The following SPOP variants were observed in gnomAD, a reference collection of about 807,000 sequenced individuals.
SPOP encodes speckle-type POZ protein.
A neutral mutation model predicts 45.6 loss-of-function variants in SPOP; 11 were observed. The ratio of observed to expected loss-of-function variants is 0.24; its 90% confidence interval spans 0.15 to 0.40. The LOEUF is 0.40. Among genes scored for constraint, SPOP ranks in the 10% least tolerant of loss-of-function variants. The pLI is 1.00. For missense variants in SPOP, 152 were observed against 465.6 expected, an observed-to-expected ratio of 0.33 and a Z score of 6.20; for synonymous variants, 166 against 166.3, an observed-to-expected ratio of 1.00 and a Z score of 0.01.
At chr17:49,601,339 C>T (rs147492833) in intron 9 of SPOP, 2 of 152,086 alleles carry the variant, frequency 1.3e-5, no homozygotes, top group Admixed American at 1.3e-4. Context: ...CTTATTATTT[C>T]ATATTATTAT....
Position 49,621,993 on chromosome 17 carries a change from G to T in SPOP, c.153C>A (p.Val51=). 1 of 1,613,930 alleles carries T rather than the reference G, an allele frequency of 6.2e-7. No individual in the cohort carries two copies. Among genetic ancestry groups the T allele is most frequent in the South Asian group, 1.1e-5 (1 of 91,058 alleles). ...CTGATGAAAATGTAGAACTTTTAAT[G>T]ACTTCACCCATTTCCTCCCGGCAAA... ...FSFCREEMGE[V]IKSSTFSSGA... Residue 51 remains valine, a synonymous_variant, in exon 3 of 10, where the codon GTC becomes GTA. Transcript: ENST00000504102.
chr17:49,675,616 G>C (rs1240588112), intron 1 of SPOP, among the ~76,000 whole-genome samples: 1 of 152,130 alleles, frequency 6.6e-6, no homozygotes, highest in African/African-American at 2.4e-5. Flanking sequence ...TTTAAAAAAG[G>C]CTCTGCACCA....
chr17:49,608,740 T>C (rs1222233201), intron 6 of SPOP, among the ~76,000 whole-genome samples: 1 of 152,178 alleles, frequency 6.6e-6, no homozygotes, highest in Non-Finnish European at 1.5e-5. Flanking sequence ...AATTTGTTCA[T>C]GTTGTCAAAT....
At chr17:49,660,438 C>T (rs1025706749) in intron 1 of SPOP, among the ~76,000 whole-genome samples, 2 of 152,084 alleles carry the variant, frequency 1.3e-5, no homozygotes. Flanking sequence ...ATCCCTTTTT[C>T]GGGTCGTATT....
At chr17:49,646,868 G>A (rs1351318359) in intron 1 of SPOP, among the ~76,000 whole-genome samples, 2 of 152,102 alleles carry the variant, frequency 1.3e-5, no homozygotes, top group Non-Finnish European at 2.9e-5. Context: ...AATTCCTTTG[G>A]GGTGACTCTT....
intron 1 of SPOP, among the ~76,000 whole-genome samples, chr17:49,664,983 TG>T (rs1377128331): frequency 6.6e-6 from 1 of 152,194 alleles, no homozygotes; most frequent in East Asian, 1.9e-4. Flanking sequence ...ACCCTGCATG[TG>T]GCATCAGAAA....
chr17:49,662,453 G>A (rs1410269939), intron 1 of SPOP, among the ~76,000 whole-genome samples: 2 of 152,046 alleles, frequency 1.3e-5, no homozygotes, highest in Non-Finnish European at 2.9e-5. Flanking sequence ...AGGCCCAGGC[G>A]GGCAGATCAC....
intron 1 of SPOP, among the ~76,000 whole-genome samples, chr17:49,642,802 G>A (rs998770395): frequency 6.6e-5 from 10 of 152,164 alleles, no homozygotes; most frequent in Non-Finnish European, 1.5e-4. Context: ...AATCAAACTT[G>A]GTGACTATGA....
rs2073226745 is a variant in SPOP at position 49,677,931 on chromosome 17, A to C, written c.-67+2T>G. 1.5e-5 allele frequency: 1 copy of C among 65,314 alleles called. No homozygotes were observed. The highest frequency in any genetic ancestry group is 2.8e-5 in the Non-Finnish European group (1 of 36,006). 4.0% of individuals were successfully genotyped at this position (65,314 alleles called of 1,614,324 possible). On this transcript the variant is annotated splice_donor_variant, in intron 1 of 9. Coordinates refer to ENST00000504102, the MANE Select transcript of SPOP (RefSeq NM_001007228.2). LOFTEE classifies it low-confidence loss of function (5UTR_SPLICE). ...TCCCTCGACTCTCCTCCCCCCACTC[A>C]CCTGAGAGCGGCGGCGACAGCTGCT...
chr17:49,652,687 G>A (rs1311188311), intron 1 of SPOP, among the ~76,000 whole-genome samples: 1 of 152,000 alleles, frequency 6.6e-6, no homozygotes, highest in East Asian at 1.9e-4. Context: ...CATACCAAAT[G>A]GAACAAAAAC....
At chr17:49,614,169 A>C (rs896126820) in intron 5 of SPOP, among the ~76,000 whole-genome samples, 7 of 152,230 alleles carry the variant, frequency 4.6e-5, no homozygotes, top group Admixed American at 4.6e-4. Flanking sequence ...TAATTAAAAC[A>C]ATCTAGGAAA....
At chr17:49,625,531 C>G (rs1458941566) in intron 1 of SPOP, among the ~76,000 whole-genome samples, 1 of 152,114 alleles carries the variant, frequency 6.6e-6, no homozygotes, top group African/African-American at 2.4e-5. Flanking sequence ...TCGCTTGAAC[C>G]TGGGAGGCGG....
intron 1 of SPOP, among the ~76,000 whole-genome samples, chr17:49,638,886 G>A (rs1287466560): frequency 7.2e-5 from 11 of 152,184 alleles, no homozygotes; most frequent in African/African-American, 1.4e-4. Context: ...GGTGACGGGC[G>A]TTTATAATCC....
At chr17:49,660,953 A>G in intron 1 of SPOP, among the ~76,000 whole-genome samples, 1 of 152,184 alleles carries the variant, frequency 6.6e-6, no homozygotes, top group East Asian at 1.9e-4. Context: ...GTGACAGAGC[A>G]AGACTCCATC....
chr17:49,605,538 C>T (rs1189226473), intron 8 of SPOP, among the ~76,000 whole-genome samples: 6 of 148,704 alleles, frequency 4.0e-5, no homozygotes, highest in African/African-American at 7.5e-5. Flanking sequence ...ACATATACAA[C>T]AATTAGCTGG....
intron 1 of SPOP, among the ~76,000 whole-genome samples, chr17:49,623,236 G>A (rs757328327): frequency 6.6e-6 from 1 of 152,076 alleles, no homozygotes; most frequent in Non-Finnish European, 1.5e-5. Context: ...TTGAACTCTC[G>A]ACCTCAGGTG....
intron 1 of SPOP, among the ~76,000 whole-genome samples, chr17:49,640,432 C>G (rs141324086): frequency 3.3e-4 from 50 of 151,996 alleles, no homozygotes; most frequent in Non-Finnish European, 6.3e-4. Flanking sequence ...GAATAAATAC[C>G]TATAGGCAGG....
At chr17:49,607,403 T>C (rs2071873448) in intron 7 of SPOP, 31 bp from the exon 8 acceptor site, 1 of 1,603,980 alleles carries the variant, frequency 6.2e-7, no homozygotes, top group Non-Finnish European at 8.5e-7. Context: ...ATGAGAAACA[T>C]TCCAACAGAA....
chr17:49,645,639 A>G (rs542225472), intron 1 of SPOP, among the ~76,000 whole-genome samples: 1 of 152,264 alleles, frequency 6.6e-6, no homozygotes, highest in East Asian at 1.9e-4. Context: ...GTAATCTGAC[A>G]TATCTTCATA....
Sources: gnomAD v4.1 joint callset for allele counts (sites outside exome capture counted in the v4.1 genomes callset) on GRCh38, gnomAD v4.1.1 for gene constraint, MANE v1.5 for transcripts, NCBI Gene and HGNC (gene_info 2026-07-23, HGNC 2026-07-21) for gene names.